Variants in DYM observed in about 807,000 individuals in gnomAD.
DYM encodes dymeclin.
In DYM, 78 loss-of-function variants were observed where a neutral mutation model predicts 93.1. The observed-to-expected ratio is 0.84, with a 90% CI of 0.70 to 1.01. The LOEUF (loss-of-function observed/expected upper bound fraction) is 1.01. Among genes scored for constraint, DYM ranks in the 50% least tolerant of loss-of-function variants. The pLI, the probability that DYM is intolerant of heterozygous loss-of-function variation, is 0.00. For missense variants in DYM, 789 were observed against 845.0 expected, an observed-to-expected ratio of 0.93 and a Z score of 0.82; for synonymous variants, 321 against 319.7, an observed-to-expected ratio of 1.00 and a Z score of -0.04.
chr18:49,344,676 T>C (rs2064433829), intron 6 of DYM, among the ~76,000 whole-genome samples: 1 of 151,782 alleles, frequency 6.6e-6, no homozygotes, highest in African/African-American at 2.4e-5. Flanking sequence ...TTAATACATA[T>C]AGTAGGACAA....
Position 49,363,243 on chromosome 18 carries a change from C to T in DYM, c.422-10G>A, listed in dbSNP as rs2066196503. ...TCTTCTGAGTCAGAACCTGGTAAGA[C>T]ACATAAAAAGATTTTTTTTTAACAA... On this transcript the variant is annotated splice_polypyrimidine_tract_variant and intron_variant, in intron 5 of 17. Transcript: ENST00000675505. The T allele has an allele frequency of 6.2e-7, 1 of 1,607,770 alleles. No homozygotes were observed. Among genetic ancestry groups the T allele is most frequent in the African/African-American group, 1.4e-5 (1 of 73,266 alleles).
chr18:49,102,685 G>A (rs1339004361), intron 16 of DYM, among the ~76,000 whole-genome samples: 5 of 152,056 alleles, frequency 3.3e-5, no homozygotes, highest in African/African-American at 4.8e-5. Context: ...TTGTCCTTGC[G>A]ATAGTTTGCT....
chr18:49,190,035 C>T (rs1353486401), intron 14 of DYM, among the ~76,000 whole-genome samples: 2 of 152,218 alleles, frequency 1.3e-5, no homozygotes, highest in Non-Finnish European at 2.9e-5. Flanking sequence ...CTGCCTGCTA[C>T]AGTACTATAG....
intron 5 of DYM, chr18:49,375,728 T>G (rs1935675276): frequency 6.6e-6 from 1 of 152,218 alleles, no homozygotes; most frequent in African/African-American, 2.4e-5. Flanking sequence ...GATGTGTCTG[T>G]GAGGGTGTTG....
At chr18:49,431,280 G>C (rs2080297711) in intron 1 of DYM, among the ~76,000 whole-genome samples, 1 of 152,226 alleles carries the variant, frequency 6.6e-6, no homozygotes, top group African/African-American at 2.4e-5. Flanking sequence ...CACATATGCA[G>C]TTTTAGTTGA....
At chr18:49,195,852 C>G (rs2091387314) in intron 14 of DYM, among the ~76,000 whole-genome samples, 1 of 147,882 alleles carries the variant, frequency 6.8e-6, no homozygotes, top group Non-Finnish European at 1.5e-5. Flanking sequence ...TGGGTAGAAA[C>G]TAAAACCAGA....
At chr18:49,398,744 T>G (rs2070426324) in intron 2 of DYM, among the ~76,000 whole-genome samples, 1 of 152,186 alleles carries the variant, frequency 6.6e-6, no homozygotes, top group South Asian at 2.1e-4. Context: ...TAAGTAAAAC[T>G]GATTTTTGTT....
intron 2 of DYM, among the ~76,000 whole-genome samples, chr18:49,417,002 G>A (rs1359871800): frequency 6.6e-6 from 1 of 152,178 alleles, no homozygotes; most frequent in Non-Finnish European, 1.5e-5. Flanking sequence ...ATGTTGGGAA[G>A]CAATTTCTAC....
intron 8 of DYM, among the ~76,000 whole-genome samples, chr18:49,316,166 C>A (rs949400658): frequency 5.3e-5 from 8 of 152,114 alleles, no homozygotes; most frequent in African/African-American, 1.9e-4. Flanking sequence ...CCTGTAATCC[C>A]AGCTACTCGG....
intron 8 of DYM, among the ~76,000 whole-genome samples, chr18:49,293,701 A>G (rs1369776321): frequency 2.0e-5 from 3 of 152,170 alleles, no homozygotes; most frequent in African/African-American, 7.2e-5. Context: ...AAGTTCTTGT[A>G]GATTCTGGAT....
intron 17 of DYM, among the ~76,000 whole-genome samples, chr18:49,061,713 A>C (rs937525217): frequency 9.2e-5 from 14 of 152,334 alleles, no homozygotes; most frequent in Middle Eastern, 3.4e-3. Flanking sequence ...TGGCAGTGCC[A>C]CCAGGGTGAG....
rs1013719577 is a variant in DYM at position 49,038,787 on chromosome 18, T to G, written c.*5268A>C. On this transcript the variant is annotated 3_prime_UTR_variant, in exon 18 of 18. Coordinates refer to ENST00000675505, the MANE Select transcript of DYM (RefSeq NM_001353214.3). The stretch of plus-strand genomic sequence containing the variant: ...TCTTATTATGTGGAAAGCTATACAC[T>G]TTTATTGATATCTCAAATATTATCA... Among the ~76,000 whole-genome samples, 2 of 152,250 alleles carry G rather than the reference T, an allele frequency of 1.3e-5. No individual in the cohort carries two copies. The highest frequency in any genetic ancestry group is 2.4e-5 in the African/African-American group (1 of 41,474).
rs377460511 is a variant in DYM, at chr18:49,451,273, G to C, written c.-54+9125C>G. Among the ~76,000 whole-genome samples, 67 of 152,268 alleles carry C rather than the reference G, an allele frequency of 4.4e-4. 1 individual carries two copies. In the South Asian group the frequency reaches 0.013, roughly 31 times the overall value. On this transcript the variant is annotated intron_variant, in intron 1 of 17. Coordinates refer to ENST00000675505, the MANE Select transcript of DYM (RefSeq NM_001353214.3). ...TGGCAATATAGTTGTTTGCATCAGT[G>C]AAATAAGAATCCATTTTTCTTTTTC... is the stretch of plus-strand genomic sequence containing the variant.
At chr18:49,379,622 A>G (rs1278135640) in intron 4 of DYM, 43 bp downstream of exon 4, 2 of 1,473,636 alleles carry the variant, frequency 1.4e-6, no homozygotes, top group Non-Finnish European at 9.5e-7. Flanking sequence ...TAAAATTCAC[A>G]TTGTTAAATA....
chr18:49,327,016 T>C (rs1308266493), intron 8 of DYM, among the ~76,000 whole-genome samples: 3 of 127,546 alleles, frequency 2.4e-5, no homozygotes, highest in African/African-American at 6.1e-5. Context: ...TGTGTGTGTG[T>C]GTGTGTGTGT....
intron 15 of DYM, among the ~76,000 whole-genome samples, chr18:49,153,264 G>A (rs2086019609): frequency 6.6e-6 from 1 of 152,028 alleles, no homozygotes; most frequent in South Asian, 2.1e-4. Flanking sequence ...ATAAACCTGG[G>A]AAAAAAATCG....
chr18:49,156,294 G>A (rs1020117388), intron 15 of DYM, among the ~76,000 whole-genome samples: 5 of 152,104 alleles, frequency 3.3e-5, no homozygotes, highest in East Asian at 1.9e-4. Context: ...TTGGCCTTCC[G>A]TGAGAGGATC....
chr18:49,274,559 A>G (rs191100712), intron 10 of DYM, among the ~76,000 whole-genome samples: 39 of 152,272 alleles, frequency 2.6e-4, no homozygotes, highest in Non-Finnish European at 3.5e-4. Context: ...TTCAGGAACT[A>G]CCAGACTGTT....
chr18:49,050,080 CTTTTT>C (rs555098372), intron 17 of DYM, among the ~76,000 whole-genome samples: 4 of 106,938 alleles, frequency 3.7e-5, no homozygotes, highest in African/African-American at 1.5e-4. Flanking sequence ...AGGTAACTTC[CTTTTT>C]TTTTTTTTTT....
Sources: gnomAD v4.1 joint callset for allele counts (sites outside exome capture counted in the v4.1 genomes callset) on GRCh38, gnomAD v4.1.1 for gene constraint, MANE v1.5 for transcripts, NCBI Gene and HGNC (gene_info 2026-07-23, HGNC 2026-07-21) for gene names.